Variants in STPG2 observed in about 807,000 individuals in gnomAD.
STPG2 encodes the protein sperm-tail PG-rich repeat-containing protein 2.
STPG2 carries 56 observed loss-of-function variants against 54.2 expected under a neutral mutation model. That is an observed-to-expected ratio of 1.03 (90% CI 0.83 to 1.29). The LOEUF (loss-of-function observed/expected upper bound fraction) is 1.29, where lower values mean the gene tolerates loss of function less well. STPG2 is among the 50% of genes most tolerant of loss of function. The pLI, the probability that STPG2 is intolerant of heterozygous loss-of-function variation, is 0.00. For missense variants in STPG2, 596 were observed against 544.9 expected (o/e 1.09, Z -0.93); for synonymous variants, 200 against 181.8 (o/e 1.10, Z -0.81).
At chr4:98,069,667 T>C (rs1403890951) in intron 5 of STPG2, among the ~76,000 whole-genome samples, 1 of 152,062 alleles carries the variant, frequency 6.6e-6, no homozygotes, top group Non-Finnish European at 1.5e-5. Flanking sequence ...ATCTAGACAT[T>C]AACAGTCAAC....
At chr4:97,661,233 G>A (rs1388400424) in intron 10 of STPG2, among the ~76,000 whole-genome samples, 1 of 152,044 alleles carries the variant, frequency 6.6e-6, no homozygotes, top group African/African-American at 2.4e-5. Flanking sequence ...TAGTAAAAAA[G>A]CAAAACAAAA....
rs1234416905 is a variant in STPG2, at chr4:97,751,321, A to C, written c.1205-38507T>G. The stretch of plus-strand genomic sequence containing the variant: ...ATAAATAAATAATTTTGTAAGTGTA[A>C]CAGTTTTTCTGAGGCATAGGAGTCC... On this transcript the variant is annotated intron_variant, in intron 9 of 10. Coordinates refer to ENST00000295268, the MANE Select transcript of STPG2 (RefSeq NM_174952.3). 2.0e-5 allele frequency among the ~76,000 whole-genome samples: 3 copies of C among 151,766 alleles called. No homozygotes were observed. In the East Asian group the frequency reaches 5.8e-4, roughly 29 times the overall value.
chr4:98,056,520 G>A (rs1054652587), intron 5 of STPG2, among the ~76,000 whole-genome samples: 1 of 152,130 alleles, frequency 6.6e-6, no homozygotes, highest in Admixed American at 6.5e-5. Flanking sequence ...CCCAGAGTTA[G>A]AGCACACCAT....
At chr4:97,745,269 A>T (rs1054454091) in intron 9 of STPG2, among the ~76,000 whole-genome samples, 24 of 150,894 alleles carry the variant, frequency 1.6e-4, no homozygotes, top group African/African-American at 5.1e-4. Flanking sequence ...AAAACAAAAA[A>T]AAAAACAATT....
chr4:97,888,887 G>A (rs1415236209), intron 8 of STPG2, among the ~76,000 whole-genome samples: 1 of 151,944 alleles, frequency 6.6e-6, no homozygotes, highest in Non-Finnish European at 1.5e-5. Context: ...GTACTATTCT[G>A]ATGATAAAGT....
intron 10 of STPG2, among the ~76,000 whole-genome samples, chr4:97,564,749 T>C (rs2148878019): frequency 6.6e-6 from 1 of 152,326 alleles, no homozygotes; most frequent in East Asian, 1.9e-4. Context: ...TTTAAGAATG[T>C]TGAATAGTGG....
intron 9 of STPG2, among the ~76,000 whole-genome samples, chr4:97,730,398 C>T (rs887997086): frequency 2.0e-5 from 3 of 152,162 alleles, no homozygotes; most frequent in Non-Finnish European, 4.4e-5. Context: ...TTATCCAATA[C>T]ACCACTGATG....
intron 9 of STPG2, among the ~76,000 whole-genome samples, chr4:97,813,412 T>C (rs957736736): frequency 3.3e-5 from 5 of 152,076 alleles, no homozygotes; most frequent in Non-Finnish European, 5.9e-5. Flanking sequence ...GTAACATTTA[T>C]TGAGCACTTA....
intron 10 of STPG2, among the ~76,000 whole-genome samples, chr4:97,627,819 A>G (rs940009359): frequency 6.6e-6 from 1 of 151,994 alleles, no homozygotes; most frequent in African/African-American, 2.4e-5. Flanking sequence ...GCTGTCTGCA[A>G]CATGGAAACC....
intron 10 of STPG2, among the ~76,000 whole-genome samples, chr4:97,687,408 C>G (rs1048914440): frequency 6.6e-6 from 1 of 151,918 alleles, no homozygotes; most frequent in Non-Finnish European, 1.5e-5. Context: ...ACTGCAACCT[C>G]GGCTCACTGC....
intron 9 of STPG2, among the ~76,000 whole-genome samples, chr4:97,809,745 A>G (rs1377295704): frequency 6.6e-6 from 1 of 152,196 alleles, no homozygotes; most frequent in Non-Finnish European, 1.5e-5. Flanking sequence ...GAACCTACAG[A>G]TAAGAACCCA....
intron 1 of STPG2, among the ~76,000 whole-genome samples, chr4:98,140,062 A>C (rs925107774): frequency 1.3e-5 from 2 of 152,230 alleles, no homozygotes; most frequent in African/African-American, 4.8e-5. Context: ...TCAGAGAAGA[A>C]AAACCTGAGA....
intron 8 of STPG2, among the ~76,000 whole-genome samples, chr4:97,868,040 C>T (rs1337541204): frequency 6.6e-6 from 1 of 151,896 alleles, no homozygotes; most frequent in Non-Finnish European, 1.5e-5. Flanking sequence ...ATCTGCCACA[C>T]ATATTCATTG....
intron 4 of STPG2, among the ~76,000 whole-genome samples, chr4:97,553,081 A>G (rs1478652348): frequency 6.6e-6 from 1 of 152,178 alleles, no homozygotes; most frequent in Non-Finnish European, 1.5e-5. Flanking sequence ...TCCTCTTTAT[A>G]GTTCTCAAGT....
At chr4:97,757,910 C>T (rs1254623465) in intron 9 of STPG2, among the ~76,000 whole-genome samples, 1 of 152,122 alleles carries the variant, frequency 6.6e-6, no homozygotes, top group Non-Finnish European at 1.5e-5. Context: ...TGAAACTTAG[C>T]CACCTACAAT....
chr4:97,512,203 G>T lies in STPG2; in HGVS notation c.462+200496C>A, dbSNP rs367689289. Reference sequence around the variant, plus strand: ...TATAACAGGCCATTATAAAAATCTAGGTGAAAAATAAGGAGATGATAAACT... The same window carrying T: ...TATAACAGGCCATTATAAAAATCTATGTGAAAAATAAGGAGATGATAAACT... On this transcript the variant is annotated intron_variant, in intron 4 of 4. Transcript: ENST00000522676. Among the ~76,000 whole-genome samples the T allele has an allele frequency of 6.6e-5, 10 of 152,000 alleles. No homozygotes were observed. The South Asian group carries it at 2.1e-3, about 32-fold the overall frequency.
At chr4:97,738,909 AT>A (rs572170538) in intron 9 of STPG2, among the ~76,000 whole-genome samples, 6 of 151,950 alleles carry the variant, frequency 3.9e-5, no homozygotes, top group East Asian at 1.9e-4. Context: ...CAGAATATAC[AT>A]TTTTTTTCAG....
intron 9 of STPG2, among the ~76,000 whole-genome samples, chr4:97,760,476 T>C (rs1324173335): frequency 6.6e-6 from 1 of 152,134 alleles, no homozygotes; most frequent in Non-Finnish European, 1.5e-5. Flanking sequence ...AATATGATAA[T>C]CTCTCAAGGA....
chr4:97,646,578 G>A (rs1298247767), intron 10 of STPG2, among the ~76,000 whole-genome samples: 13 of 152,030 alleles, frequency 8.6e-5, no homozygotes, highest in Admixed American at 8.5e-4. Context: ...ATTCATATCA[G>A]CATTTTCTAA....
Sources: gnomAD v4.1 joint callset for allele counts (sites outside exome capture counted in the v4.1 genomes callset) on GRCh38, gnomAD v4.1.1 for gene constraint, MANE v1.5 for transcripts, NCBI Gene and HGNC (gene_info 2026-07-23, HGNC 2026-07-21) for gene names.